Variants in PADI3 observed in about 807,000 individuals in gnomAD.
PADI3 encodes the protein protein-arginine deiminase type-3.
Under a neutral mutation model 71.5 loss-of-function variants are expected in PADI3, and 53 were observed. The observed-to-expected ratio is 0.74, with a 90% CI of 0.59 to 0.93. The LOEUF (loss-of-function observed/expected upper bound fraction) is 0.93. Ranked by LOEUF, PADI3 falls within the 40% of genes least tolerant of loss-of-function variation. The probability of loss-of-function intolerance (pLI) is 0.00; values close to 1 mark genes in which losing one functional copy is unlikely to be tolerated. For synonymous variants in PADI3, 361 were observed against 347.5 expected, an observed-to-expected ratio of 1.04 and a Z score of -0.43; for missense variants, 821 against 868.0, an observed-to-expected ratio of 0.95 and a Z score of 0.68.
chr1:17,278,577 TGAGA>T (rs958690877), intron 13 of PADI3, among the ~76,000 whole-genome samples: 9 of 152,022 alleles, frequency 5.9e-5, no homozygotes, highest in Non-Finnish European at 1.3e-4. Flanking sequence ...GGAAGAATTT[TGAGA>T]GAGAGAGAGC....
rs1196924794 is a variant in PADI3 at position 17,280,749 on chromosome 1, C to T, written c.1714C>T (p.Leu572Phe). 1 of 1,614,214 alleles carries T rather than the reference C, an allele frequency of 6.2e-7. No homozygotes were observed. Among genetic ancestry groups the T allele is most frequent in the Non-Finnish European group, 8.5e-7 (1 of 1,180,034 alleles). ...AECDIIDIPQ[L>F]FKTERKKATA... is the part of the protein sequence containing the mutation. Reference sequence around the variant, plus strand: ...GTGTGACATCATTGACATCCCACAGCTCTTCAAGACCGAGAGGAAAAAAGC... The same window carrying T: ...GTGTGACATCATTGACATCCCACAGTTCTTCAAGACCGAGAGGAAAAAAGC... Residue 572 changes from leucine (L) to phenylalanine (F), a missense_variant, in exon 15 of 16, where the codon CTC (leucine) becomes TTC (phenylalanine). Physicochemically the swap from Leu to Phe is conservative, Grantham distance 22. Coordinates refer to ENST00000375460, the MANE Select transcript of PADI3 (RefSeq NM_016233.2).
intron 7 of PADI3, 125 bp downstream of exon 7, chr1:17,270,536 T>A: frequency 1.1e-6 from 1 of 928,124 alleles, no homozygotes; most frequent in Non-Finnish European, 1.6e-6. Context: ...TAGTCCCAGT[T>A]ACTTGGGAGG....
At chr1:17,255,910 T>C (rs2100558463) in intron 1 of PADI3, among the ~76,000 whole-genome samples, 1 of 152,286 alleles carries the variant, frequency 6.6e-6, no homozygotes, top group South Asian at 2.1e-4. Context: ...CCCAGTTGTC[T>C]GGCCCCAGGG....
chr1:17,257,678 G>C (rs2073045126), intron 1 of PADI3, among the ~76,000 whole-genome samples: 1 of 152,198 alleles, frequency 6.6e-6, no homozygotes, highest in South Asian at 2.1e-4. Context: ...GCTGCTTTGA[G>C]ATGTAAGAGA....
At chr1:17,271,431 TGA>T (rs2073249418) in intron 9 of PADI3, among the ~76,000 whole-genome samples, 1 of 152,270 alleles carries the variant, frequency 6.6e-6, no homozygotes, top group Non-Finnish European at 1.5e-5. Flanking sequence ...GGCACAGGTG[TGA>T]GACACACACT....
At position 17,271,194 on chromosome 1, in the gene PADI3, G is replaced by C. The variant is rs1341554206; in HGVS notation, c.1047+16G>C. 1.2e-6 allele frequency: 2 copies of C among 1,606,282 alleles called. No individual in the cohort carries two copies. Among genetic ancestry groups the C allele is most frequent in the South Asian group, 2.2e-5 (2 of 90,794 alleles). On this transcript the variant is annotated intron_variant, in intron 9 of 15. Coordinates refer to ENST00000375460, the MANE Select transcript of PADI3 (RefSeq NM_016233.2). ...CTGGATCCAGGTAACCACAGCCACTGGGCAGGGCCCAGCAAGGACGCCATC... is the reference window on the plus strand; with the variant it reads ...CTGGATCCAGGTAACCACAGCCACTCGGCAGGGCCCAGCAAGGACGCCATC...
chr1:17,259,502 G>A (rs772200941), intron 1 of PADI3, 76 bp from the exon 2 acceptor site: 4 of 1,379,478 alleles, frequency 2.9e-6, no homozygotes, highest in Non-Finnish European at 3.9e-6. Flanking sequence ...GAGGAAGCAG[G>A]GCTTGAGCCA....
chr1:17,259,390 C>T (rs193011243), intron 1 of PADI3, among the ~76,000 whole-genome samples, 188 bp from the exon 2 acceptor site: 7 of 152,324 alleles, frequency 4.6e-5, no homozygotes, highest in Admixed American at 1.3e-4. Flanking sequence ...TGAGTCACCA[C>T]GCCCGGCCGA....
intron 3 of PADI3, 116 bp downstream of exon 3, chr1:17,262,321 T>C (rs2100569789): frequency 1.4e-6 from 1 of 709,566 alleles, no homozygotes; most frequent in Non-Finnish European, 2.3e-6. Context: ...AGACTTCTAG[T>C]TCCCCAAACC....
Position 17,280,791 on chromosome 1 carries a change from G to A in PADI3, c.1756G>A (p.Asp586Asn), listed in dbSNP as rs768539210. 21 of 1,613,898 alleles carry A rather than the reference G, an allele frequency of 1.3e-5. No individual in the cohort carries two copies. The highest frequency in any genetic ancestry group is 8.5e-7 in the Non-Finnish European group (1 of 1,179,934). Reference sequence around the variant, plus strand: ...GAAAAAAGCAACGGCCTTCTTCCCTGACTTGGTGAGGGCACTACCCATGAC... The same window carrying A: ...GAAAAAAGCAACGGCCTTCTTCCCTAACTTGGTGAGGGCACTACCCATGAC... ...ERKKATAFFPDLVNMLVLGKH... is the reference protein window; with the variant it reads ...ERKKATAFFPNLVNMLVLGKH... The change falls in exon 15 of 16, where the codon GAC becomes AAC. Residue 586 changes from aspartate to asparagine, a missense_variant. Physicochemically the swap from Asp to Asn is conservative, Grantham distance 23 (BLOSUM62 1). Coordinates refer to ENST00000375460, the MANE Select transcript of PADI3 (RefSeq NM_016233.2).
chr1:17,254,996 G>A (rs1173938233), intron 1 of PADI3, among the ~76,000 whole-genome samples: 2 of 151,988 alleles, frequency 1.3e-5, no homozygotes, highest in African/African-American at 4.8e-5. Context: ...GATTATAGGC[G>A]TGAGCCACTG....
intron 1 of PADI3, among the ~76,000 whole-genome samples, chr1:17,254,695 G>A (rs1001021374): frequency 6.6e-6 from 1 of 151,822 alleles, no homozygotes. Context: ...CTCTACACGG[G>A]CTGGAGGGAC....
rs766448156 is a variant in PADI3 at position 17,280,744 on chromosome 1, C to G, written c.1709C>G (p.Pro570Arg). The G allele has an allele frequency of 7.4e-6, 12 of 1,614,150 alleles. No homozygotes were observed. The highest frequency in any genetic ancestry group is 1.0e-5 in the Non-Finnish European group (12 of 1,180,026). The stretch of plus-strand genomic sequence containing the variant: ...GCAGAGTGTGACATCATTGACATCC[C>G]ACAGCTCTTCAAGACCGAGAGGAAA... Reference protein sequence around the residue: ...GLAECDIIDIPQLFKTERKKA... With the variant: ...GLAECDIIDIRQLFKTERKKA... The change falls in exon 15 of 16, where the codon CCA (proline) becomes CGA (arginine). Residue 570 changes from proline to arginine, a missense_variant. By Grantham distance (103) the Pro-to-Arg change is moderately radical. Coordinates refer to ENST00000375460, the MANE Select transcript of PADI3 (RefSeq NM_016233.2).
intron 1 of PADI3, among the ~76,000 whole-genome samples, chr1:17,256,540 T>C (rs2073029804): frequency 6.6e-6 from 1 of 150,428 alleles, no homozygotes; most frequent in Admixed American, 6.7e-5. Flanking sequence ...CAGTCTTCAC[T>C]GGGGATCCCC....
intron 14 of PADI3, 81 bp downstream of exon 14, chr1:17,280,510 A>C: frequency 6.7e-7 from 1 of 1,481,682 alleles, no homozygotes; most frequent in Non-Finnish European, 9.4e-7. Context: ...CAGACATCTG[A>C]GGCTAACTGT....
intron 7 of PADI3, 23 bp downstream of exon 7, chr1:17,270,434 A>G: frequency 6.3e-7 from 1 of 1,598,850 alleles, no homozygotes; most frequent in Non-Finnish European, 8.5e-7. Flanking sequence ...GGGGTTCAAG[A>G]GGAGCTCCAC....
At chr1:17,276,914 T>G (rs1184222441) in intron 13 of PADI3, 38 bp downstream of exon 13, 1 of 1,537,736 alleles carries the variant, frequency 6.5e-7, no homozygotes, top group Non-Finnish European at 8.9e-7. Context: ...GCGGCTTGCC[T>G]GCCCCTTACC....
rs188032578 is a variant in PADI3, at chr1:17,274,042, C to T, written c.1156-593C>T. Among the ~76,000 whole-genome samples, 31 of 152,318 alleles carry T rather than the reference C, an allele frequency of 2.0e-4. No individual in the cohort carries two copies. The East Asian group carries it at 4.8e-3, about 24-fold the overall frequency. On this transcript the variant is annotated intron_variant, in intron 10 of 15. Coordinates refer to ENST00000375460, the MANE Select transcript of PADI3 (RefSeq NM_016233.2). ...TAACAGGGAAGGTGATGATTGCTAACGAGGACCTCTTGAGAAAACAAGAGT... is the reference window on the plus strand; with the variant it reads ...TAACAGGGAAGGTGATGATTGCTAATGAGGACCTCTTGAGAAAACAAGAGT...
chr1:17,262,151 T>TG lies in PADI3; in HGVS notation c.292_293insG (p.Ser98CysfsTer4), dbSNP rs2073109956. 6.2e-7 allele frequency: 1 copy of TG among 1,612,552 alleles called. No homozygotes were observed. Among genetic ancestry groups the TG allele is most frequent in the African/African-American group, 1.3e-5 (1 of 74,826 alleles). ...TCCACAGGTTCAGATTTCCTACCAC[T>TG]CCAGCCATGAGCCTCTGCCCCTGGC... On this transcript the variant is annotated frameshift_variant, in exon 3 of 16. Coordinates refer to ENST00000375460, the MANE Select transcript of PADI3 (RefSeq NM_016233.2). LOFTEE classifies it high-confidence loss of function.
Sources: gnomAD v4.1 joint callset for allele counts (sites outside exome capture counted in the v4.1 genomes callset) on GRCh38, gnomAD v4.1.1 for gene constraint, MANE v1.5 for transcripts, NCBI Gene and HGNC (gene_info 2026-07-23, HGNC 2026-07-21) for gene names.